The following ADGRL2 variants were observed in gnomAD, a reference collection of about 807,000 sequenced individuals.
ADGRL2 encodes the protein calcium-independent alpha-latrotoxin receptor 2.
In ADGRL2, 44 loss-of-function variants were observed where a neutral mutation model predicts 157.4. The observed-to-expected ratio is 0.28, with a 90% CI of 0.22 to 0.36. The LOEUF is 0.36. Among genes scored for constraint, ADGRL2 ranks in the 10% least tolerant of loss-of-function variants. ADGRL2 has a pLI of 1.00. For missense variants in ADGRL2, 1,510 were observed against 1,768.9 expected (o/e 0.85, Z 2.63); for synonymous variants, 585 against 624.7 (o/e 0.94, Z 0.95).
chr1:81,561,749 C>T (rs2080448411), intron 2 of ADGRL2, among the ~76,000 whole-genome samples: 1 of 151,990 alleles, frequency 6.6e-6, no homozygotes, highest in East Asian at 1.9e-4. Flanking sequence ...TGTGAGCCAC[C>T]ACTCCTGGCC....
rs2084375207 is a variant in ADGRL2, at chr1:81,722,732, G to T, written c.-143+22924G>T. On this transcript the variant is annotated intron_variant, in intron 1 of 20. Transcript: ENST00000359929. The stretch of plus-strand genomic sequence containing the variant: ...GAAACGTGAAGAGCGAGAGATCAAA[G>T]AATAGAAAGAGTTAAGAAGGCTCAA... The T allele has an allele frequency of 1.4e-5, 13 of 908,142 alleles. No individual in the cohort carries two copies. In the East Asian group the frequency reaches 3.1e-4, roughly 22 times the overall value. The allele number at this position is 908,142 out of a possible 1,614,324, so 56.3% of individuals were successfully genotyped here. A position where few individuals can be genotyped will look rare whatever the true frequency, so the allele number is the denominator to read the frequency against.
intron 2 of ADGRL2, among the ~76,000 whole-genome samples, chr1:81,578,727 C>G (rs1415712616): frequency 2.0e-5 from 3 of 152,168 alleles, no homozygotes; most frequent in Non-Finnish European, 4.4e-5. Flanking sequence ...CAAACCCCAT[C>G]TGTTTTTATG....
chr1:81,809,725 A>ATT (rs1000486909), intron 1 of ADGRL2, among the ~76,000 whole-genome samples: 1 of 151,910 alleles, frequency 6.6e-6, no homozygotes, highest in African/African-American at 2.4e-5. Flanking sequence ...ATAAACACAC[A>ATT]TTTTATAGTC....
At chr1:81,656,780 C>A (rs556914042) in intron 3 of ADGRL2, among the ~76,000 whole-genome samples, 1 of 151,966 alleles carries the variant, frequency 6.6e-6, no homozygotes, top group African/African-American at 2.4e-5. Context: ...GAGGCTGAGA[C>A]GGGTGGATTG....
At chr1:81,732,211 CA>C (rs1408694410) in intron 1 of ADGRL2, among the ~76,000 whole-genome samples, 2 of 152,090 alleles carry the variant, frequency 1.3e-5, no homozygotes, top group Non-Finnish European at 2.9e-5. Flanking sequence ...TAAGAGAGTA[CA>C]ATGTGAGATC....
intron 2 of ADGRL2, among the ~76,000 whole-genome samples, chr1:81,523,418 TAC>T (rs201243904): frequency 6.6e-6 from 1 of 151,872 alleles, no homozygotes; most frequent in South Asian, 2.1e-4. Context: ...TTGGCATGCA[TAC>T]ACACACACAG....
intron 2 of ADGRL2, among the ~76,000 whole-genome samples, chr1:81,568,751 A>C (rs1401032766): frequency 6.6e-6 from 1 of 152,214 alleles, no homozygotes; most frequent in Non-Finnish European, 1.5e-5. Flanking sequence ...AAAAATGATA[A>C]GTATGGTTTA....
At chr1:81,769,673 A>G (rs1363327139) in intron 2 of ADGRL2, among the ~76,000 whole-genome samples, 2 of 151,820 alleles carry the variant, frequency 1.3e-5, no homozygotes, top group Non-Finnish European at 2.9e-5. Flanking sequence ...TTTCTCTTCT[A>G]TACAAATCTT....
rs190169304 is a variant in ADGRL2, at chr1:81,329,119, G to C, written c.-302+22610G>C. ...ATTATAAGCCATCCATGTTCCCACT[G>C]TCTAACTGCTCTGCCACTCTGCATG... On this transcript the variant is annotated intron_variant, in intron 1 of 24. Coordinates refer to the ADGRL2 transcript ENST00000370721. 5.9e-5 allele frequency among the ~76,000 whole-genome samples: 9 copies of C among 152,196 alleles called. No homozygotes were observed. In the South Asian group the frequency reaches 1.9e-3, roughly 32 times the overall value.
intron 2 of ADGRL2, among the ~76,000 whole-genome samples, chr1:81,878,580 T>C (rs1044167855): frequency 2.0e-5 from 3 of 152,190 alleles, no homozygotes; most frequent in Non-Finnish European, 4.4e-5. Context: ...GCCCAAATAA[T>C]ACTAACACAC....
chr1:81,403,801 T>G (rs968869754), intron 1 of ADGRL2, among the ~76,000 whole-genome samples: 2 of 144,040 alleles, frequency 1.4e-5, no homozygotes, highest in Admixed American at 1.4e-4. Context: ...TGTCTTTGAT[T>G]TTTTTTTTTT....
At chr1:81,450,129 G>T (rs2077677723) in intron 2 of ADGRL2, among the ~76,000 whole-genome samples, 1 of 152,188 alleles carries the variant, frequency 6.6e-6, no homozygotes, top group Non-Finnish European at 1.5e-5. Flanking sequence ...AACAGAGAGA[G>T]GGTGGAGAGT....
intron 2 of ADGRL2, among the ~76,000 whole-genome samples, chr1:81,895,445 C>G (rs1367600580): frequency 7.9e-6 from 1 of 126,990 alleles, no homozygotes; most frequent in East Asian, 2.5e-4. Flanking sequence ...GTTGCCCAGG[C>G]TGGAGTGCAG....
chr1:81,815,046 T>C (rs2149732515), intron 1 of ADGRL2, among the ~76,000 whole-genome samples: 1 of 151,872 alleles, frequency 6.6e-6, no homozygotes, highest in East Asian at 1.9e-4. Flanking sequence ...TATTTGTGTG[T>C]TATACATTTT....
intron 1 of ADGRL2, among the ~76,000 whole-genome samples, chr1:81,761,419 T>C (rs894631164): frequency 1.3e-5 from 2 of 151,960 alleles, no homozygotes; most frequent in African/African-American, 4.8e-5. Flanking sequence ...ATTAATAGCA[T>C]TAATTATCAG....
At chr1:81,527,554 A>G (rs772003071) in intron 2 of ADGRL2, among the ~76,000 whole-genome samples, 13 of 152,170 alleles carry the variant, frequency 8.5e-5, no homozygotes, top group Admixed American at 3.3e-4. Context: ...TCTACTAAAA[A>G]TACAAAAATT....
At chr1:81,579,245 A>G (rs1412298423) in intron 2 of ADGRL2, 8 of 152,178 alleles carry the variant, frequency 5.3e-5, no homozygotes. Context: ...TGCTGCTTCC[A>G]TTGTCTCCAT....
intron 3 of ADGRL2, among the ~76,000 whole-genome samples, chr1:81,608,478 A>G (rs547898065): frequency 6.6e-6 from 1 of 152,344 alleles, no homozygotes; most frequent in South Asian, 2.1e-4. Context: ...AAAGAGCACT[A>G]TACTCAAATA....
intron 2 of ADGRL2, among the ~76,000 whole-genome samples, chr1:81,457,975 G>T (rs2077841133): frequency 6.6e-6 from 1 of 152,124 alleles, no homozygotes; most frequent in African/African-American, 2.4e-5. Context: ...CTTCCAATCA[G>T]ATATTAACTG....
Sources: gnomAD v4.1 joint callset for allele counts (sites outside exome capture counted in the v4.1 genomes callset) on GRCh38, gnomAD v4.1.1 for gene constraint, MANE v1.5 for transcripts, NCBI Gene and HGNC (gene_info 2026-07-23, HGNC 2026-07-21) for gene names.